The following TSNAX variants were observed in gnomAD, a reference collection of about 807,000 sequenced individuals.
The protein encoded by TSNAX is translin associated factor X, also known as translin-associated protein X.
Under a neutral mutation model 33.0 loss-of-function variants are expected in TSNAX, and 12 were observed. The observed-to-expected ratio is 0.36, with a 90% confidence interval of 0.23 to 0.59. The LOEUF (loss-of-function observed/expected upper bound fraction) is 0.59, where lower values mean the gene tolerates loss of function less well. TSNAX is among the 20% of genes least tolerant of loss of function. The pLI is 0.74. For synonymous variants in TSNAX, 110 were observed against 117.2 expected, an observed-to-expected ratio of 0.94 and a Z score of 0.40; for missense variants, 267 against 341.3, an observed-to-expected ratio of 0.78 and a Z score of 1.72.
At chr1:231,540,246 T>A (rs1344660639) in intron 3 of TSNAX, among the ~76,000 whole-genome samples, 1 of 151,898 alleles carries the variant, frequency 6.6e-6, no homozygotes, top group Non-Finnish European at 1.5e-5. Context: ...AAAACTGTTG[T>A]GAGAGGACCT....
At chr1:231,532,889 T>C (rs1282572068) in intron 2 of TSNAX, among the ~76,000 whole-genome samples, 1 of 152,228 alleles carries the variant, frequency 6.6e-6, no homozygotes, top group Non-Finnish European at 1.5e-5. Context: ...TTCTTACATA[T>C]AGAGACAGTA....
chr1:231,559,913 C>G (rs868252786), intron 4 of TSNAX, among the ~76,000 whole-genome samples: 61 of 151,428 alleles, frequency 4.0e-4, no homozygotes, highest in African/African-American at 1.4e-3. Context: ...TGACACTTAC[C>G]TACATTAGTT....
intron 4 of TSNAX, among the ~76,000 whole-genome samples, chr1:231,549,011 G>T (rs1660121424): frequency 6.6e-6 from 1 of 152,230 alleles, no homozygotes; most frequent in Non-Finnish European, 1.5e-5. Context: ...CCTCTTCCCA[G>T]ATGGGCAGTT....
chr1:231,550,719 G>C (rs1290293101), intron 4 of TSNAX, among the ~76,000 whole-genome samples: 1 of 152,124 alleles, frequency 6.6e-6, no homozygotes, highest in South Asian at 2.1e-4. Flanking sequence ...CCTATTGGTT[G>C]GAGGAGAGAG....
At chr1:231,545,380 G>C (rs1558127326) in intron 4 of TSNAX, among the ~76,000 whole-genome samples, 2 of 152,296 alleles carry the variant, frequency 1.3e-5, no homozygotes, top group South Asian at 4.2e-4. Context: ...ATACTTGTGT[G>C]AGCTCAAACA....
intron 2 of TSNAX, among the ~76,000 whole-genome samples, chr1:231,533,787 C>T (rs1277236416): frequency 6.6e-6 from 1 of 152,146 alleles, no homozygotes; most frequent in African/African-American, 2.4e-5. Context: ...ATATTCTGAA[C>T]CATTTAAGAA....
intron 4 of TSNAX, among the ~76,000 whole-genome samples, chr1:231,550,666 T>G (rs553073544): frequency 5.3e-5 from 8 of 152,198 alleles, no homozygotes; most frequent in Non-Finnish European, 1.2e-4. Context: ...TTTCTTTCTT[T>G]TCTTCTTCCT....
In TSNAX at chr1:231,564,461, CTT is replaced by C. The variant is rs1027132347; in HGVS notation, c.496-63_496-62del. The C allele has an allele frequency of 5.9e-6, 9 of 1,535,258 alleles. No individual in the cohort carries two copies. In the African/African-American group the frequency reaches 1.2e-4, roughly 21 times the overall value. On this transcript the variant is annotated intron_variant, in intron 5 of 5. Coordinates refer to ENST00000366639, the MANE Select transcript of TSNAX (RefSeq NM_005999.3). Reference sequence around the variant, plus strand: ...AAATGTGATACATGCTATATTCACTCTTTTTCACAGTGTTCTTTCTTGTGTGT... The same window carrying C: ...AAATGTGATACATGCTATATTCACTCTTTCACAGTGTTCTTTCTTGTGTGT...
chr1:231,532,291 A>G (rs562309172), intron 2 of TSNAX, among the ~76,000 whole-genome samples: 1 of 151,182 alleles, frequency 6.6e-6, no homozygotes, highest in South Asian at 2.1e-4. Flanking sequence ...TCTTGGGCTC[A>G]AGTGATCCTC....
intron 2 of TSNAX, among the ~76,000 whole-genome samples, chr1:231,531,563 G>A (rs902595296): frequency 9.2e-5 from 14 of 152,052 alleles, no homozygotes; most frequent in African/African-American, 3.4e-4. Flanking sequence ...ACTTACAGTG[G>A]TCATTAATAT....
intron 4 of TSNAX, among the ~76,000 whole-genome samples, chr1:231,549,735 A>G (rs1052329416): frequency 1.3e-5 from 2 of 152,238 alleles, no homozygotes. Flanking sequence ...GGTAAGTAGT[A>G]TATTGTCAAC....
intron 2 of TSNAX, chr1:231,534,532 C>T (rs969675661): frequency 1.8e-4 from 27 of 152,156 alleles, no homozygotes; most frequent in African/African-American, 6.3e-4. Flanking sequence ...ATAAAATTAA[C>T]TTATATTACT....
At chr1:231,556,472 T>C (rs1660703037) in intron 4 of TSNAX, among the ~76,000 whole-genome samples, 1 of 152,260 alleles carries the variant, frequency 6.6e-6, no homozygotes, top group Non-Finnish European at 1.5e-5. Flanking sequence ...AGTATGTTGT[T>C]GCTAAAGTGT....
At chr1:231,563,283 C>A (rs1021041236) in intron 5 of TSNAX, among the ~76,000 whole-genome samples, 2 of 152,136 alleles carry the variant, frequency 1.3e-5, no homozygotes, top group African/African-American at 4.8e-5. Flanking sequence ...ATCGTCTCTA[C>A]CAGAAAGAAT....
At chr1:231,537,432 G>A (rs1036966365) in intron 3 of TSNAX, 105 bp downstream of exon 3, 4 of 674,428 alleles carry the variant, frequency 5.9e-6, no homozygotes, top group Non-Finnish European at 9.5e-6. Flanking sequence ...CAACTTAAGA[G>A]TTAATATTTT....
At chr1:231,551,585 T>C (rs528158904) in intron 4 of TSNAX, among the ~76,000 whole-genome samples, 2 of 152,166 alleles carry the variant, frequency 1.3e-5, no homozygotes, top group African/African-American at 2.4e-5. Flanking sequence ...TCTATAATAT[T>C]GTACTAAATT....
In TSNAX at chr1:231,544,343, A is replaced by G. The variant is rs12064891; in HGVS notation, c.367+1732A>G. On this transcript the variant is annotated intron_variant, in intron 4 of 5. Transcript: ENST00000366639. ...TAATCTTTATCATTTTTTCTATCAC[A>G]TCATCATGTAGTATGCCTATCTTGC... Among the ~76,000 whole-genome samples the G allele has an allele frequency of 2.7e-3, 417 of 152,328 alleles. 2 individuals are homozygous for G. The highest frequency in any genetic ancestry group is 9.4e-3 in the African/African-American group (392 of 41,576).
intron 4 of TSNAX, among the ~76,000 whole-genome samples, chr1:231,557,342 A>C (rs1468234922): frequency 6.6e-6 from 1 of 152,198 alleles, no homozygotes; most frequent in African/African-American, 2.4e-5. Context: ...ATGCTGTCAA[A>C]GGAATCAAAG....
chr1:231,528,893 G>A (rs1658446427), intron 1 of TSNAX, 67 bp downstream of exon 1: 2 of 1,604,032 alleles, frequency 1.2e-6, no homozygotes, highest in Admixed American at 3.3e-5. Flanking sequence ...TTTCTATGCA[G>A]TTTTCCCCTT....
Sources: gnomAD v4.1 joint callset for allele counts (sites outside exome capture counted in the v4.1 genomes callset) on GRCh38, gnomAD v4.1.1 for gene constraint, MANE v1.5 for transcripts, NCBI Gene and HGNC (gene_info 2026-07-23, HGNC 2026-07-21) for gene names.